The following ANXA6 variants were observed in gnomAD, a reference collection of about 807,000 sequenced individuals.
ANXA6 encodes annexin A6.
A neutral mutation model predicts 95.4 loss-of-function variants in ANXA6; 71 were observed. The observed-to-expected ratio is 0.74, with a 90% CI of 0.61 to 0.91. The LOEUF (loss-of-function observed/expected upper bound fraction) is 0.91. Among genes scored for constraint, ANXA6 ranks in the 40% least tolerant of loss-of-function variants. The probability of loss-of-function intolerance (pLI) is 0.00; values close to 1 mark genes in which losing one functional copy is unlikely to be tolerated. For synonymous variants in ANXA6, 289 were observed against 315.9 expected, an observed-to-expected ratio of 0.91 and a Z score of 0.90; for missense variants, 830 against 876.4, an observed-to-expected ratio of 0.95 and a Z score of 0.67.
At chr5:151,128,412 GT>G (rs1308114190) in intron 12 of ANXA6, 173 bp from the exon 13 acceptor site, 1 of 595,836 alleles carries the variant, frequency 1.7e-6, no homozygotes, top group African/African-American at 1.9e-5. Flanking sequence ...CAGCGGGCAG[GT>G]TGGAGGAAGC....
At chr5:151,133,342 T>C (rs1765571992) in intron 8 of ANXA6, 155 bp from the exon 9 acceptor site, 2 of 597,568 alleles carry the variant, frequency 3.3e-6, no homozygotes, top group South Asian at 2.0e-5. Flanking sequence ...CATCATTTAA[T>C]GATGGGGATA....
intron 20 of ANXA6, among the ~76,000 whole-genome samples, chr5:151,113,629 A>G (rs996617416): frequency 1.3e-5 from 2 of 152,182 alleles, no homozygotes; most frequent in African/African-American, 4.8e-5. Flanking sequence ...TTAAGATAAT[A>G]ATATCTGTAA....
rs1465415 is a variant in ANXA6, at chr5:151,101,209, G to T, written c.*239C>A. 17,009 of 606,770 alleles carry T rather than the reference G, an allele frequency of 0.028. 342 individuals are homozygous for T. The highest frequency in any genetic ancestry group is 0.039 in the Non-Finnish European group (13,086 of 335,890). The allele number at this position is 606,770 out of a possible 1,614,324, so 37.6% of individuals were successfully genotyped here. A position where few individuals can be genotyped will look rare whatever the true frequency, so the allele number is the denominator to read the frequency against. The stretch of plus-strand genomic sequence containing the variant: ...CTGGGAAAGCCTGAGGGTCAGAGGG[G>T]AGTGGAGGTGGACAGGATCTATGGC... On this transcript the variant is annotated 3_prime_UTR_variant, in exon 26 of 26. Coordinates refer to ENST00000354546, the MANE Select transcript of ANXA6 (RefSeq NM_001155.5).
chr5:151,122,801 G>A, intron 16 of ANXA6, 116 bp downstream of exon 16: 2 of 838,652 alleles, frequency 2.4e-6, no homozygotes, highest in Non-Finnish European at 4.0e-6. Flanking sequence ...ACCACACAGG[G>A]TCCCTCTGCC....
chr5:151,110,692 C>A, intron 20 of ANXA6, 48 bp from the exon 21 acceptor site: 1 of 1,609,356 alleles, frequency 6.2e-7, no homozygotes, highest in South Asian at 1.1e-5. Context: ...AGGCAAGAGT[C>A]AGAGGAGGTT....
chr5:151,124,260 C>T (rs1765250718), intron 15 of ANXA6, 26 bp downstream of exon 15: 6 of 1,609,704 alleles, frequency 3.7e-6, no homozygotes, highest in Admixed American at 1.7e-5. Flanking sequence ...TGGAGACCAA[C>T]CCTGCTCCCT....
At position 151,108,426 on chromosome 5, in the gene ANXA6, C is replaced by CA. The variant is rs1227700035; in HGVS notation, c.1780+28dup. The CA allele has an allele frequency of 2.5e-6, 4 of 1,593,786 alleles. No individual in the cohort carries two copies. The East Asian group carries it at 6.7e-5, about 27-fold the overall frequency. On this transcript the variant is annotated intron_variant, in intron 23 of 25. Transcript: ENST00000354546. ...AATCTGTTCAAGTTCCCAGTGCCCCCAGCCCTTCCCTTAGTCCCTGCCAGT... is the reference window on the plus strand; with the variant it reads ...AATCTGTTCAAGTTCCCAGTGCCCCCAAGCCCTTCCCTTAGTCCCTGCCAGT...
At chr5:151,153,962 C>T (rs1227144471) in intron 1 of ANXA6, among the ~76,000 whole-genome samples, 1 of 152,132 alleles carries the variant, frequency 6.6e-6, no homozygotes, top group Non-Finnish European at 1.5e-5. Context: ...TAGGGCGTGG[C>T]TCCTATGGAT....
intron 1 of ANXA6, among the ~76,000 whole-genome samples, chr5:151,157,027 C>T (rs757290197): frequency 6.6e-6 from 1 of 152,160 alleles, no homozygotes; most frequent in Non-Finnish European, 1.5e-5. Context: ...AGGCCTAGAC[C>T]GCTTAGGGGA....
chr5:151,130,835 GA>G (rs1765490931), intron 11 of ANXA6, among the ~76,000 whole-genome samples: 1 of 152,234 alleles, frequency 6.6e-6, no homozygotes, highest in South Asian at 2.1e-4. Context: ...AGCTTTCTCA[GA>G]AACACACCCA....
chr5:151,124,770 A>AT (rs1242743971), intron 14 of ANXA6, among the ~76,000 whole-genome samples: 1 of 152,184 alleles, frequency 6.6e-6, no homozygotes, highest in Non-Finnish European at 1.5e-5. Context: ...TTAAAGAGTC[A>AT]TTCCCCCTGA....
At chr5:151,140,440 G>C (rs1156826165) in intron 2 of ANXA6, 197 bp from the exon 3 acceptor site, 6 of 587,942 alleles carry the variant, frequency 1.0e-5, no homozygotes, top group Non-Finnish European at 1.8e-5. Flanking sequence ...CCAAAGGACA[G>C]TGCCATTTCC....
intron 20 of ANXA6, among the ~76,000 whole-genome samples, chr5:151,114,114 T>A (rs944964108): frequency 6.6e-6 from 1 of 152,206 alleles, no homozygotes; most frequent in Non-Finnish European, 1.5e-5. Flanking sequence ...GATTAGTGGT[T>A]GCTTAGGGCT....
chr5:151,149,800 T>G (rs1375063257), intron 1 of ANXA6, among the ~76,000 whole-genome samples: 2 of 151,836 alleles, frequency 1.3e-5, no homozygotes, highest in Non-Finnish European at 2.9e-5. Context: ...CTTTTAACAA[T>G]GTCTATGTAT....
At chr5:151,113,412 A>C (rs937228040) in intron 20 of ANXA6, among the ~76,000 whole-genome samples, 2 of 152,188 alleles carry the variant, frequency 1.3e-5, no homozygotes, top group African/African-American at 4.8e-5. Context: ...AAAATAAATA[A>C]ATATATAAAA....
rs760647335 is a variant in ANXA6 at position 151,133,242 on chromosome 5, A to C, written c.547-55T>G. The C allele has an allele frequency of 5.6e-5, 73 of 1,315,094 alleles. 1 individual carries two copies. Among genetic ancestry groups the C allele is most frequent in the Non-Finnish European group, 7.5e-5 (70 of 932,714 alleles). The allele number at this position is 1,315,094 out of a possible 1,614,324, so 81.5% of individuals were successfully genotyped here. Reference sequence around the variant, plus strand: ...AAGAGGAAACCTCAGGAGACAGGACACACTGACCAAGCCACTCAGAACTGC... The same window carrying C: ...AAGAGGAAACCTCAGGAGACAGGACCCACTGACCAAGCCACTCAGAACTGC... On this transcript the variant is annotated intron_variant, in intron 8 of 25. Coordinates refer to ENST00000354546, the MANE Select transcript of ANXA6 (RefSeq NM_001155.5).
At chr5:151,105,088 C>T (rs971535731) in intron 24 of ANXA6, among the ~76,000 whole-genome samples, 157 bp downstream of exon 24, 1 of 152,182 alleles carries the variant, frequency 6.6e-6, no homozygotes, top group African/African-American at 2.4e-5. Context: ...CTGGGAAATA[C>T]CATCCTAGAG....
At chr5:151,103,910 T>C (rs1764620971) in intron 24 of ANXA6, among the ~76,000 whole-genome samples, 1 of 152,200 alleles carries the variant, frequency 6.6e-6, no homozygotes, top group African/African-American at 2.4e-5. Flanking sequence ...GGTTGAATAG[T>C]GTCCCCATGT....
At chr5:151,145,912 CCT>C (rs998429383) in intron 2 of ANXA6, among the ~76,000 whole-genome samples, 5 of 152,120 alleles carry the variant, frequency 3.3e-5, no homozygotes, top group African/African-American at 1.2e-4. Flanking sequence ...TTGTTCCTCC[CCT>C]GAGTAGCTCT....
Sources: gnomAD v4.1 joint callset for allele counts (sites outside exome capture counted in the v4.1 genomes callset) on GRCh38, gnomAD v4.1.1 for gene constraint, MANE v1.5 for transcripts, NCBI Gene and HGNC (gene_info 2026-07-23, HGNC 2026-07-21) for gene names.